The following TXLNB variants were observed in gnomAD, a reference collection of about 807,000 sequenced individuals.
The protein encoded by TXLNB is taxilin beta.
In TXLNB, 37 loss-of-function variants were observed where a neutral mutation model predicts 57.4. That is an observed-to-expected ratio of 0.64 (90% CI 0.50 to 0.85). TXLNB has a LOEUF of 0.85. Among genes scored for constraint, TXLNB ranks in the 40% least tolerant of loss-of-function variants. TXLNB has a pLI of 0.00. For synonymous variants in TXLNB, 302 were observed against 309.6 expected (o/e 0.98, Z 0.26); for missense variants, 848 against 825.6 (o/e 1.03, Z -0.33).
chr6:139,315,729 C>G, the TXLNB span, among the ~76,000 whole-genome samples: 1 of 152,078 alleles, frequency 6.6e-6, no homozygotes, highest in Non-Finnish European at 1.5e-5. Context: ...GTTTAAAATT[C>G]TTCATGAGAA....
At chr6:139,310,935 T>TCC in the TXLNB span, among the ~76,000 whole-genome samples, 3 of 152,232 alleles carry the variant, frequency 2.0e-5, no homozygotes, top group Non-Finnish European at 4.4e-5. Flanking sequence ...CCTCAGGTGA[T>TCC]CCACCCGCCT....
chr6:139,174,673 T>C, the TXLNB span: 3 of 1,289,284 alleles, frequency 2.3e-6, no homozygotes, highest in Non-Finnish European at 3.1e-6. Flanking sequence ...ACTTGTAATG[T>C]AGTCATTTAG....
At chr6:139,184,947 A>G in the TXLNB span, among the ~76,000 whole-genome samples, 5 of 152,186 alleles carry the variant, frequency 3.3e-5, no homozygotes, top group Non-Finnish European at 7.3e-5. Context: ...GCAGTATTCT[A>G]AGTTACTGCC....
the TXLNB span, among the ~76,000 whole-genome samples, chr6:139,194,054 G>C: frequency 1.7e-4 from 26 of 151,536 alleles, no homozygotes; most frequent in African/African-American, 6.0e-4. Context: ...TGTTAGCCAG[G>C]ATGGTCTCGA....
Position 139,270,486 on chromosome 6 carries a change from C to T in TXLNB, c.657G>A (p.Arg219=), listed in dbSNP as rs1776731257. Residue 219 remains arginine, a synonymous_variant, in exon 4 of 10, where the codon CGG becomes CGA. Transcript: ENST00000358430. ...GAGTCTTGTTGTGTCTCTGCAGCTC[C>T]CGGCACAGACTCTCCAATTTGCTTC... is the stretch of plus-strand genomic sequence containing the variant. ...LARSKLESLC[R]ELQRHNKTLK... is the part of the protein sequence containing the mutation. The T allele has an allele frequency of 6.2e-7, 1 of 1,613,974 alleles. No individual in the cohort carries two copies. Among genetic ancestry groups the T allele is most frequent in the Non-Finnish European group, 8.5e-7 (1 of 1,180,002 alleles).
At chr6:139,199,572 G>A in the TXLNB span, among the ~76,000 whole-genome samples, 8 of 152,174 alleles carry the variant, frequency 5.3e-5, no homozygotes, top group African/African-American at 1.4e-4. Flanking sequence ...ATAGTGCATT[G>A]AACCCAAGCT....
the TXLNB span, among the ~76,000 whole-genome samples, chr6:139,306,876 A>G: frequency 6.6e-6 from 1 of 152,154 alleles, no homozygotes; most frequent in African/African-American, 2.4e-5. Flanking sequence ...ACTTGCAGCC[A>G]ACTCAAGCCC....
At chr6:139,195,128 T>C in the TXLNB span, among the ~76,000 whole-genome samples, 1 of 152,176 alleles carries the variant, frequency 6.6e-6, no homozygotes, top group South Asian at 2.1e-4. Context: ...GGAGGCCATC[T>C]ATGTTTCTTA....
At chr6:139,299,213 A>G in the TXLNB span, among the ~76,000 whole-genome samples, 10 of 152,084 alleles carry the variant, frequency 6.6e-5, no homozygotes, top group Non-Finnish European at 1.2e-4. Flanking sequence ...GTTGCTGCAC[A>G]TGGGTAAGAA....
At chr6:139,185,378 C>T in the TXLNB span, among the ~76,000 whole-genome samples, 108,351 of 152,050 alleles carry the variant, frequency 0.71, 39,870 homozygotes, top group African/African-American at 0.86. Context: ...AAATGCAGTT[C>T]ACTTTAAAGA....
At chr6:139,201,100 C>T in the TXLNB span, among the ~76,000 whole-genome samples, 6 of 152,190 alleles carry the variant, frequency 3.9e-5, no homozygotes, top group African/African-American at 1.4e-4. Flanking sequence ...TTGCCTTTTA[C>T]TTTACATTGA....
the TXLNB span, among the ~76,000 whole-genome samples, chr6:139,226,334 G>GAT: frequency 1.4e-4 from 3 of 21,836 alleles, no homozygotes; most frequent in East Asian, 3.4e-3. Flanking sequence ...AAAAGAGATA[G>GAT]AGAGAGAGAG....
At chr6:139,291,659 G>A (rs954335371) in intron 1 of TXLNB, among the ~76,000 whole-genome samples, 1 of 152,164 alleles carries the variant, frequency 6.6e-6, no homozygotes, top group African/African-American at 2.4e-5. Context: ...ATGTGGCAAA[G>A]AAATTATTTC....
chr6:139,314,286 A>G, the TXLNB span, among the ~76,000 whole-genome samples: 28 of 152,284 alleles, frequency 1.8e-4, no homozygotes, highest in Middle Eastern at 0.01. Flanking sequence ...TCTGAAGCCT[A>G]TGACCTGGAA....
the TXLNB span, among the ~76,000 whole-genome samples, chr6:139,232,140 G>A: frequency 6.6e-6 from 1 of 152,190 alleles, no homozygotes; most frequent in East Asian, 1.9e-4. Context: ...CCACATGGCT[G>A]GGACTGGACA....
chr6:139,184,331 A>G, the TXLNB span, among the ~76,000 whole-genome samples: 3 of 152,244 alleles, frequency 2.0e-5, no homozygotes, highest in South Asian at 2.1e-4. Flanking sequence ...TTTAAAAGCT[A>G]TAGTAGCCCT....
chr6:139,247,096 C>G (rs1776083544), intron 8 of TXLNB, among the ~76,000 whole-genome samples: 1 of 151,994 alleles, frequency 6.6e-6, no homozygotes, highest in African/African-American at 2.4e-5. Context: ...ATGGTATTTC[C>G]TATTCTAACA....
the TXLNB span, among the ~76,000 whole-genome samples, chr6:139,306,037 GA>G: frequency 6.6e-6 from 1 of 152,190 alleles, no homozygotes; most frequent in African/African-American, 2.4e-5. Flanking sequence ...AATTTTCATT[GA>G]AGTGATTTAT....
In TXLNB at chr6:139,242,849, T is replaced by C; in HGVS notation, c.1732A>G (p.Ser578Gly). The C allele has an allele frequency of 6.2e-7, 1 of 1,614,116 alleles. No homozygotes were observed. Among genetic ancestry groups the C allele is most frequent in the Non-Finnish European group, 8.5e-7 (1 of 1,180,018 alleles). The change falls in exon 10 of 10, where the codon AGT (serine) becomes GGT (glycine). Residue 578 changes from serine (S) to glycine (G), a missense_variant. Ser to Gly is a moderately conservative substitution (Grantham distance 56). Transcript: ENST00000358430. ...GCTCCCAACCCGGCAGGAGAATTACTGGCCTTGGAGGGAGGTTCAGCATCA... is the reference window on the plus strand; with the variant it reads ...GCTCCCAACCCGGCAGGAGAATTACCGGCCTTGGAGGGAGGTTCAGCATCA... ...GSDAEPPSKA[S>G]NSPAGLGAET...
Sources: gnomAD v4.1 joint callset for allele counts (sites outside exome capture counted in the v4.1 genomes callset) on GRCh38, gnomAD v4.1.1 for gene constraint, MANE v1.5 for transcripts, NCBI Gene and HGNC (gene_info 2026-07-23, HGNC 2026-07-21) for gene names.